Variants in CACNA2D3 observed in about 807,000 individuals in gnomAD.
CACNA2D3 encodes the protein calcium voltage-gated channel auxiliary subunit alpha2delta 3, also known as voltage-dependent calcium channel subunit alpha-2/delta-3.
CACNA2D3 carries 60 observed loss-of-function variants against 160.6 expected under a neutral mutation model. That is an observed-to-expected ratio of 0.37 (90% CI 0.30 to 0.46). The LOEUF is 0.46. Among genes scored for constraint, CACNA2D3 ranks in the 20% least tolerant of loss-of-function variants. The probability of loss-of-function intolerance (pLI) is 1.00; values close to 1 mark genes in which losing one functional copy is unlikely to be tolerated. For synonymous variants in CACNA2D3, 558 were observed against 492.9 expected (o/e 1.13, Z -1.75); for missense variants, 1,205 against 1,365.0 (o/e 0.88, Z 1.85).
chr3:54,350,986 G>GTTTTTTTTTTTTTTTTTT (rs796392854), intron 3 of CACNA2D3, among the ~76,000 whole-genome samples: 24 of 65,942 alleles, frequency 3.6e-4, no homozygotes, highest in South Asian at 1.0e-3. Context: ...TTTTTTGTTT[G>GTTTTTTTTTTTTTTTTTT]TTTTTTTTTT....
At chr3:54,274,525 T>C (rs1702692729) in intron 2 of CACNA2D3, among the ~76,000 whole-genome samples, 1 of 152,232 alleles carries the variant, frequency 6.6e-6, no homozygotes, top group Admixed American at 6.5e-5. Context: ...ATTAGTTATC[T>C]ATTGTATTGC....
At chr3:54,517,366 G>A (rs1376461436) in intron 5 of CACNA2D3, among the ~76,000 whole-genome samples, 1 of 152,222 alleles carries the variant, frequency 6.6e-6, no homozygotes, top group South Asian at 2.1e-4. Flanking sequence ...AGTTTCTGCA[G>A]CACAGGCTGA....
chr3:54,694,669 G>A (rs548105350), intron 11 of CACNA2D3, among the ~76,000 whole-genome samples: 47 of 152,266 alleles, frequency 3.1e-4, no homozygotes, highest in African/African-American at 1.1e-3. Flanking sequence ...GAATTCTCAA[G>A]TAGCTCTTTT....
At chr3:54,692,537 T>A (rs936905034) in intron 11 of CACNA2D3, among the ~76,000 whole-genome samples, 2 of 152,184 alleles carry the variant, frequency 1.3e-5, no homozygotes, top group African/African-American at 2.4e-5. Context: ...TTTCTATTCT[T>A]TTCTTTCTTT....
chr3:54,495,677 A>T (rs1468957860), intron 4 of CACNA2D3, among the ~76,000 whole-genome samples: 11 of 152,172 alleles, frequency 7.2e-5, no homozygotes, highest in Non-Finnish European at 1.6e-4. Context: ...TGAACCCAGG[A>T]GGCAGAGGCT....
At chr3:54,305,786 C>G (rs1230070757) in intron 2 of CACNA2D3, among the ~76,000 whole-genome samples, 1 of 152,244 alleles carries the variant, frequency 6.6e-6, no homozygotes, top group Non-Finnish European at 1.5e-5. Flanking sequence ...TTTACTTTCA[C>G]TAACCTCTAA....
In CACNA2D3 at chr3:54,345,960, C is replaced by T. The variant is rs77540577; in HGVS notation, c.321+25402C>T. On this transcript the variant is annotated intron_variant, in intron 3 of 37. Transcript: ENST00000474759. Reference sequence around the variant, plus strand: ...TCCCACTTGTGTCATGACATCTGTCCTCCCATGCCAGGATTTATAGGATGC... The same window carrying T: ...TCCCACTTGTGTCATGACATCTGTCTTCCCATGCCAGGATTTATAGGATGC... 6.5e-3 allele frequency among the ~76,000 whole-genome samples: 982 copies of T among 152,082 alleles called. 11 individuals carry two copies. The highest frequency in any genetic ancestry group is 0.023 in the African/African-American group (951 of 41,454).
At chr3:54,726,988 T>C (rs1385916787) in intron 11 of CACNA2D3, among the ~76,000 whole-genome samples, 1 of 152,172 alleles carries the variant, frequency 6.6e-6, no homozygotes, top group African/African-American at 2.4e-5. Flanking sequence ...ACCTACAGAA[T>C]GGGAGAAGAT....
At chr3:54,412,475 T>C (rs1699684425) in intron 4 of CACNA2D3, among the ~76,000 whole-genome samples, 1 of 151,978 alleles carries the variant, frequency 6.6e-6, no homozygotes, top group Admixed American at 6.6e-5. Context: ...CATTTTATCT[T>C]TTAGATTTTA....
intron 35 of CACNA2D3, among the ~76,000 whole-genome samples, chr3:55,034,839 C>T (rs1250069592): frequency 1.3e-5 from 2 of 152,050 alleles, no homozygotes; most frequent in Non-Finnish European, 2.9e-5. Flanking sequence ...AGATGAATGT[C>T]TTTACTCTGA....
intron 11 of CACNA2D3, among the ~76,000 whole-genome samples, chr3:54,647,292 A>G (rs969619427): frequency 8.5e-5 from 13 of 152,198 alleles, no homozygotes; most frequent in Admixed American, 8.5e-4. Flanking sequence ...TAGAAAACTA[A>G]CACAAGAAGC....
chr3:54,972,132 C>G (rs542102173), intron 29 of CACNA2D3, among the ~76,000 whole-genome samples: 1 of 152,312 alleles, frequency 6.6e-6, no homozygotes, highest in Admixed American at 6.5e-5. Context: ...ATAGTAAGCA[C>G]AGGCTACGAC....
chr3:54,776,708 G>C (rs1408879223), intron 13 of CACNA2D3, among the ~76,000 whole-genome samples: 1 of 152,088 alleles, frequency 6.6e-6, no homozygotes, highest in Non-Finnish European at 1.5e-5. Flanking sequence ...TCTCAGGAGT[G>C]GGTCTTCTTT....
intron 27 of CACNA2D3, among the ~76,000 whole-genome samples, chr3:54,945,568 G>A (rs1337712547): frequency 1.3e-5 from 2 of 152,094 alleles, no homozygotes; most frequent in Non-Finnish European, 2.9e-5. Flanking sequence ...CCACTTATTA[G>A]CACCATAACC....
intron 13 of CACNA2D3, among the ~76,000 whole-genome samples, chr3:54,802,910 G>T (rs556817413): frequency 2.0e-5 from 3 of 152,190 alleles, no homozygotes; most frequent in East Asian, 1.9e-4. Context: ...ACGAAAGTCC[G>T]CTGTTCTGCA....
intron 2 of CACNA2D3, among the ~76,000 whole-genome samples, chr3:54,208,821 T>C (rs1701320020): frequency 6.6e-6 from 1 of 152,160 alleles, no homozygotes; most frequent in South Asian, 2.1e-4. Flanking sequence ...GTTTTCATGC[T>C]GCTGATAAAT....
At chr3:54,744,018 G>T (rs1701702444) in intron 11 of CACNA2D3, among the ~76,000 whole-genome samples, 1 of 152,168 alleles carries the variant, frequency 6.6e-6, no homozygotes, top group Non-Finnish European at 1.5e-5. Flanking sequence ...ATGTGGTCAT[G>T]CAAAGGCTTA....
intron 25 of CACNA2D3, among the ~76,000 whole-genome samples, chr3:54,892,845 G>A (rs1285511620): frequency 1.3e-5 from 2 of 152,226 alleles, no homozygotes; most frequent in African/African-American, 2.4e-5. Context: ...CTGTGTTATT[G>A]TGATGGATTT....
chr3:54,708,547 C>T (rs896189202), intron 11 of CACNA2D3, among the ~76,000 whole-genome samples: 1 of 152,130 alleles, frequency 6.6e-6, no homozygotes, highest in Non-Finnish European at 1.5e-5. Context: ...GTTGATTGAG[C>T]AGAGACAAAG....
Sources: gnomAD v4.1 joint callset for allele counts (sites outside exome capture counted in the v4.1 genomes callset) on GRCh38, gnomAD v4.1.1 for gene constraint, MANE v1.5 for transcripts, NCBI Gene and HGNC (gene_info 2026-07-23, HGNC 2026-07-21) for gene names.